RAP1A: variants seen among roughly 807,000 people sequenced by gnomAD.
RAP1A encodes ras-related protein Rap-1A.
RAP1A carries 6 observed loss-of-function variants against 26.4 expected under a neutral mutation model. The ratio of observed to expected loss-of-function variants is 0.23; its 90% CI spans 0.12 to 0.45. The LOEUF (loss-of-function observed/expected upper bound fraction) is 0.45, where lower values mean the gene tolerates loss of function less well. Among genes scored for constraint, RAP1A ranks in the 20% least tolerant of loss-of-function variants. The pLI is 0.99. For synonymous variants in RAP1A, 73 were observed against 79.4 expected (o/e 0.92, Z 0.43); for missense variants, 121 against 217.2 (o/e 0.56, Z 2.78).
At chr1:111,597,234 A>G (rs1184691331) in intron 1 of RAP1A, among the ~76,000 whole-genome samples, 6 of 152,112 alleles carry the variant, frequency 3.9e-5, no homozygotes, top group African/African-American at 1.4e-4. Flanking sequence ...GTGAAGAAAA[A>G]CTTTATTTTT....
intron 1 of RAP1A, among the ~76,000 whole-genome samples, chr1:111,687,153 G>T: frequency 6.7e-6 from 1 of 148,352 alleles, no homozygotes; most frequent in African/African-American, 2.5e-5. Flanking sequence ...TTTTTTCTTT[G>T]CTTTTTTTTG....
intron 6 of RAP1A, 97 bp downstream of exon 6, chr1:111,704,583 A>C: frequency 8.0e-7 from 1 of 1,251,772 alleles, no homozygotes; most frequent in Non-Finnish European, 1.1e-6. Flanking sequence ...TCTTTTAAGC[A>C]ATCTTGATTC....
intron 1 of RAP1A, among the ~76,000 whole-genome samples, chr1:111,681,179 C>T (rs1401197964): frequency 8.5e-5 from 13 of 152,144 alleles, no homozygotes; most frequent in Non-Finnish European, 1.2e-4. Flanking sequence ...CTCAAGGAGG[C>T]GGAGGTTGCA....
chr1:111,583,775 A>C (rs1265806073), intron 1 of RAP1A, among the ~76,000 whole-genome samples: 4 of 152,160 alleles, frequency 2.6e-5, no homozygotes, highest in Non-Finnish European at 2.9e-5. Flanking sequence ...GCAGCTATTA[A>C]ACGTTATACT....
chr1:111,691,481 C>A, intron 2 of RAP1A, 64 bp downstream of exon 2: 2 of 1,433,172 alleles, frequency 1.4e-6, no homozygotes, highest in South Asian at 1.2e-5. Flanking sequence ...CATTTCCTTG[C>A]TTTCAGACTT....
At chr1:111,552,750 C>A (rs1657320084) in intron 1 of RAP1A, among the ~76,000 whole-genome samples, 1 of 152,174 alleles carries the variant, frequency 6.6e-6, no homozygotes, top group Non-Finnish European at 1.5e-5. Context: ...TTCCTACATG[C>A]ATGACCTGGA....
intron 1 of RAP1A, among the ~76,000 whole-genome samples, chr1:111,562,103 C>G (rs2101048721): frequency 6.6e-6 from 1 of 152,272 alleles, no homozygotes; most frequent in Non-Finnish European, 1.5e-5. Flanking sequence ...GTCTCCAGGT[C>G]TTTGCTTGTG....
rs983163702 is a variant in RAP1A at position 111,714,130 on chromosome 1, T to C, written c.*1729T>C. On this transcript the variant is annotated 3_prime_UTR_variant, in exon 8 of 8. Coordinates refer to ENST00000369709, the MANE Select transcript of RAP1A (RefSeq NM_002884.4). ...TGTTAAAGTATTGTTTTTAAAAAAA[T>C]GGAAATTTTTTTTGTTTGTGTTTTT... 2.0e-4 allele frequency: 31 copies of C among 152,298 alleles called. No homozygotes were observed. The highest frequency in any genetic ancestry group is 1.8e-3 in the Admixed American group (28 of 15,298). 9.4% of individuals were successfully genotyped at this position (152,298 alleles called of 1,614,324 possible). A position where few individuals can be genotyped will look rare whatever the true frequency, so the allele number is the denominator to read the frequency against.
intron 1 of RAP1A, among the ~76,000 whole-genome samples, chr1:111,632,086 A>G (rs1659583555): frequency 1.3e-5 from 2 of 152,174 alleles, no homozygotes; most frequent in East Asian, 1.9e-4. Context: ...TATCTATCAC[A>G]GTCTGTGGGG....
chr1:111,562,364 G>A (rs996337761), intron 1 of RAP1A, among the ~76,000 whole-genome samples: 1 of 152,134 alleles, frequency 6.6e-6, no homozygotes, highest in African/African-American at 2.4e-5. Context: ...CCTAGAACCT[G>A]TTGGTAGAGT....
intron 1 of RAP1A, among the ~76,000 whole-genome samples, chr1:111,657,177 T>C (rs950462271): frequency 2.0e-5 from 3 of 152,156 alleles, no homozygotes; most frequent in African/African-American, 7.2e-5. Flanking sequence ...TAATCCAAAA[T>C]CCAAAATCCA....
intron 1 of RAP1A, among the ~76,000 whole-genome samples, chr1:111,650,842 C>T (rs571122287): frequency 4.6e-5 from 7 of 152,090 alleles, no homozygotes; most frequent in African/African-American, 1.7e-4. Context: ...GTCGCCCAGG[C>T]TGGAGTACAG....
intron 2 of RAP1A, among the ~76,000 whole-genome samples, chr1:111,694,864 C>CT (rs1471601387): frequency 1.3e-5 from 2 of 152,116 alleles, no homozygotes; most frequent in Non-Finnish European, 2.9e-5. Context: ...ACCTGGGAGG[C>CT]TGAGGCGGGA....
intron 1 of RAP1A, among the ~76,000 whole-genome samples, chr1:111,652,978 G>A (rs1660322432): frequency 6.6e-6 from 1 of 152,168 alleles, no homozygotes. Flanking sequence ...GTGCAAGACT[G>A]TTCATTACAA....
intron 1 of RAP1A, among the ~76,000 whole-genome samples, chr1:111,611,783 T>G (rs1231797709): frequency 6.6e-6 from 1 of 152,196 alleles, no homozygotes; most frequent in Non-Finnish European, 1.5e-5. Flanking sequence ...CACTTAGGGT[T>G]GCCAGATAAA....
chr1:111,633,708 T>C (rs897950816), intron 1 of RAP1A, among the ~76,000 whole-genome samples: 4 of 152,252 alleles, frequency 2.6e-5, no homozygotes, highest in African/African-American at 4.8e-5. Context: ...TACTGTTTAA[T>C]AACTTCTGAC....
intron 1 of RAP1A, among the ~76,000 whole-genome samples, chr1:111,566,269 G>A (rs765116326): frequency 6.6e-5 from 10 of 152,222 alleles, no homozygotes; most frequent in Non-Finnish European, 1.3e-4. Context: ...TTGCAAAAAT[G>A]AGGCAAGAGT....
At chr1:111,710,058 C>T (rs138461771) in intron 7 of RAP1A, among the ~76,000 whole-genome samples, 24 of 152,270 alleles carry the variant, frequency 1.6e-4, no homozygotes, top group South Asian at 4.1e-4. Context: ...GTAGATACTG[C>T]TAAAAAGTTT....
At chr1:111,668,333 T>C (rs544922778) in intron 1 of RAP1A, among the ~76,000 whole-genome samples, 3 of 152,192 alleles carry the variant, frequency 2.0e-5, no homozygotes, top group Non-Finnish European at 2.9e-5. Context: ...TGGACCCCCA[T>C]TGACTTCATA....
Sources: allele counts gnomAD v4.1 joint callset (sites outside exome capture counted in the v4.1 genomes callset), GRCh38; gene constraint gnomAD v4.1.1; transcripts MANE v1.5; gene names NCBI Gene and HGNC (gene_info 2026-07-23, HGNC 2026-07-21).